Variants in MAPKAP1 observed in about 807,000 individuals in gnomAD.
The protein encoded by MAPKAP1 is MAPK associated protein 1.
Under a neutral mutation model 65.7 loss-of-function variants are expected in MAPKAP1, and 20 were observed. The ratio of observed to expected loss-of-function variants is 0.30; its 90% CI spans 0.21 to 0.44. The LOEUF (loss-of-function observed/expected upper bound fraction) is 0.44. MAPKAP1 is among the 20% of genes least tolerant of loss of function. MAPKAP1 has a pLI of 1.00. For synonymous variants in MAPKAP1, 222 were observed against 244.3 expected (o/e 0.91, Z 0.85); for missense variants, 423 against 648.0 (o/e 0.65, Z 3.77).
At chr9:125,690,299 A>G (rs546684468) in intron 1 of MAPKAP1, among the ~76,000 whole-genome samples, 1 of 152,338 alleles carries the variant, frequency 6.6e-6, no homozygotes, top group South Asian at 2.1e-4. Flanking sequence ...AAGTTTCAGA[A>G]ATGCTTAAAA....
At chr9:125,459,854 G>GGGGAGAGGGAGAGGGAGA (rs141623896) in intron 10 of MAPKAP1, among the ~76,000 whole-genome samples, 16,013 of 126,824 alleles carry the variant, frequency 0.13, 2,578 homozygotes, top group African/African-American at 0.38. Context: ...GGGAGACCGT[G>GGGGAGAGGGAGAGGGAGA]GGGAGAGGGA....
At chr9:125,508,910 T>C (rs957124849) in intron 7 of MAPKAP1, among the ~76,000 whole-genome samples, 4 of 152,172 alleles carry the variant, frequency 2.6e-5, no homozygotes, top group African/African-American at 4.8e-5. Context: ...TAAAATATTA[T>C]GAAATACCAT....
At chr9:125,688,514 A>G (rs1042147139) in intron 1 of MAPKAP1, among the ~76,000 whole-genome samples, 4 of 152,188 alleles carry the variant, frequency 2.6e-5, no homozygotes, top group African/African-American at 7.2e-5. Context: ...CATTCTGCTT[A>G]TAATACTATA....
chr9:125,651,682 T>C (rs912652934), intron 4 of MAPKAP1, among the ~76,000 whole-genome samples: 25 of 152,288 alleles, frequency 1.6e-4, no homozygotes, highest in African/African-American at 3.6e-4. Context: ...ATTCAAAATA[T>C]AGTCACTCTA....
At chr9:125,684,647 C>T (rs1564616078) in intron 1 of MAPKAP1, among the ~76,000 whole-genome samples, 1 of 152,188 alleles carries the variant, frequency 6.6e-6, no homozygotes, top group South Asian at 2.1e-4. Context: ...GCCCAAACAA[C>T]TACAATAAAG....
chr9:125,585,998 A>T (rs1204630470), intron 4 of MAPKAP1, among the ~76,000 whole-genome samples: 1 of 152,166 alleles, frequency 6.6e-6, no homozygotes, highest in Non-Finnish European at 1.5e-5. Context: ...TGGTGAGTAG[A>T]GTTCATGTTT....
At chr9:125,698,179 A>G (rs1432366103) in intron 1 of MAPKAP1, among the ~76,000 whole-genome samples, 1 of 147,838 alleles carries the variant, frequency 6.8e-6, no homozygotes, top group Non-Finnish European at 1.5e-5. Context: ...CAAAAAGTAT[A>G]TATATATACA....
intron 6 of MAPKAP1, among the ~76,000 whole-genome samples, chr9:125,558,361 C>T (rs1056875395): frequency 2.0e-5 from 3 of 152,096 alleles, no homozygotes; most frequent in African/African-American, 7.2e-5. Context: ...AAAAAATTTG[C>T]TGTTATTTAC....
At chr9:125,590,239 GA>G (rs1462147383) in intron 4 of MAPKAP1, among the ~76,000 whole-genome samples, 4 of 152,222 alleles carry the variant, frequency 2.6e-5, no homozygotes, top group Non-Finnish European at 5.9e-5. Flanking sequence ...CAGTATGCCA[GA>G]AAGGGCGTCT....
chr9:125,537,139 A>T (rs1830096568), intron 7 of MAPKAP1, among the ~76,000 whole-genome samples: 1 of 152,224 alleles, frequency 6.6e-6, no homozygotes, highest in Admixed American at 6.5e-5. Flanking sequence ...GAGGTCAAAA[A>T]AGCCTGGGCT....
chr9:125,452,620 T>C (rs1852996406), intron 10 of MAPKAP1, among the ~76,000 whole-genome samples: 1 of 152,086 alleles, frequency 6.6e-6, no homozygotes, highest in Non-Finnish European at 1.5e-5. Flanking sequence ...CAACATTTAT[T>C]GTGTTAGAAA....
At chr9:125,626,817 T>A (rs1417468409) in intron 4 of MAPKAP1, among the ~76,000 whole-genome samples, 1 of 152,246 alleles carries the variant, frequency 6.6e-6, no homozygotes, top group Non-Finnish European at 1.5e-5. Flanking sequence ...AGAGGTGTGA[T>A]TAATATTCAT....
intron 4 of MAPKAP1, among the ~76,000 whole-genome samples, chr9:125,655,648 A>C (rs1834014221): frequency 6.6e-6 from 1 of 152,258 alleles, no homozygotes. Context: ...CATTTTCATT[A>C]CATATCTGCC....
intron 4 of MAPKAP1, among the ~76,000 whole-genome samples, chr9:125,605,507 A>G (rs1195522062): frequency 6.6e-6 from 1 of 152,214 alleles, no homozygotes; most frequent in Non-Finnish European, 1.5e-5. Context: ...TTCACAAATC[A>G]TCCCTCTAGT....
chr9:125,662,691 T>A (rs1447179969), intron 3 of MAPKAP1, among the ~76,000 whole-genome samples: 1 of 151,900 alleles, frequency 6.6e-6, no homozygotes, highest in African/African-American at 2.4e-5. Context: ...TTAAAAAAAA[T>A]AAAAATAAAA....
chr9:125,563,529 T>C (rs888753474), intron 5 of MAPKAP1, among the ~76,000 whole-genome samples: 10 of 152,206 alleles, frequency 6.6e-5, no homozygotes, highest in African/African-American at 2.4e-4. Flanking sequence ...ACTAATCATA[T>C]TGCTTTTTCC....
chr9:125,523,552 T>G (rs1829678426), intron 7 of MAPKAP1, among the ~76,000 whole-genome samples: 1 of 152,248 alleles, frequency 6.6e-6, no homozygotes, highest in African/African-American at 2.4e-5. Flanking sequence ...TGGATGATAG[T>G]ATCTCAGTCT....
chr9:125,537,938 C>T (rs143881098), intron 7 of MAPKAP1, among the ~76,000 whole-genome samples: 156 of 152,242 alleles, frequency 1.0e-3, no homozygotes, highest in African/African-American at 3.6e-3. Flanking sequence ...CTCTAAATTC[C>T]GCACCTCCCC....
At chr9:125,511,532 T>C (rs1223947135) in intron 7 of MAPKAP1, among the ~76,000 whole-genome samples, 1 of 152,186 alleles carries the variant, frequency 6.6e-6, no homozygotes, top group African/African-American at 2.4e-5. Flanking sequence ...TAAATGCCTG[T>C]TGACAGTGAA....
Sources: allele counts gnomAD v4.1 joint callset (sites outside exome capture counted in the v4.1 genomes callset), GRCh38; gene constraint gnomAD v4.1.1; transcripts MANE v1.5; gene names NCBI Gene and HGNC (gene_info 2026-07-23, HGNC 2026-07-21).